PTPRA: variants seen among roughly 807,000 people sequenced by gnomAD.
PTPRA encodes the protein protein tyrosine phosphatase receptor type A.
PTPRA carries 25 observed loss-of-function variants against 104.8 expected under a neutral mutation model. The ratio of observed to expected loss-of-function variants is 0.24; its 90% CI spans 0.17 to 0.33. The LOEUF is 0.33. Ranked by LOEUF, PTPRA falls within the 10% of genes least tolerant of loss-of-function variation. The pLI, the probability that PTPRA is intolerant of heterozygous loss-of-function variation, is 1.00. For missense variants in PTPRA, 765 were observed against 1,015.3 expected (o/e 0.75, Z 3.35); for synonymous variants, 323 against 368.9 (o/e 0.88, Z 1.43).
At chr20:3,027,665 G>A (rs2065213687) in intron 19 of PTPRA, 42 bp from the exon 20 acceptor site, 8 of 1,604,254 alleles carry the variant, frequency 5.0e-6, no homozygotes, top group Non-Finnish European at 6.8e-6. Context: ...GTCCCTCTGT[G>A]ATTAAACCAT....
the PTPRA span, chr20:2,866,262 G>A: frequency 6.2e-7 from 1 of 1,614,154 alleles, no homozygotes; most frequent in Non-Finnish European, 8.5e-7. Flanking sequence ...AAGCCAAGAA[G>A]TATGCTTCCC....
intron 2 of PTPRA, among the ~76,000 whole-genome samples, chr20:2,941,026 G>C (rs200689465): frequency 6.6e-6 from 1 of 150,908 alleles, no homozygotes; most frequent in Non-Finnish European, 1.5e-5. Context: ...TTTTTTGGGG[G>C]TTTTTTTTGT....
chr20:2,947,276 T>C (rs1166116544), intron 2 of PTPRA, among the ~76,000 whole-genome samples: 1 of 152,214 alleles, frequency 6.6e-6, no homozygotes, highest in Non-Finnish European at 1.5e-5. Context: ...TCAGAGATTG[T>C]TACACCAAGA....
chr20:2,953,420 AT>A (rs1223180837), intron 3 of PTPRA, among the ~76,000 whole-genome samples: 2 of 150,756 alleles, frequency 1.3e-5, no homozygotes, highest in Admixed American at 6.6e-5. Context: ...CGCCTGGCTA[AT>A]TTTTTGTATT....
chr20:2,931,512 C>T (rs2060502992), intron 2 of PTPRA, among the ~76,000 whole-genome samples: 1 of 152,144 alleles, frequency 6.6e-6, no homozygotes, highest in South Asian at 2.1e-4. Flanking sequence ...ATAATCAAAA[C>T]CCTTTGTTTT....
the PTPRA span, chr20:2,865,307 C>T: frequency 1.9e-6 from 3 of 1,614,140 alleles, no homozygotes; most frequent in Admixed American, 3.3e-5. The surrounding 1 kb of genome is among the most constrained non-coding windows in gnomAD (Gnocchi z 5.2). Context: ...CTTCCGCATC[C>T]CTGACAAGAG....
intron 11 of PTPRA, among the ~76,000 whole-genome samples, chr20:3,011,361 A>C (rs1180170669): frequency 6.6e-6 from 1 of 152,216 alleles, no homozygotes; most frequent in Non-Finnish European, 1.5e-5. Flanking sequence ...CACTGTGGGT[A>C]GGCTTAAAGG....
chr20:2,951,088 G>T (rs908018844), intron 3 of PTPRA, among the ~76,000 whole-genome samples: 2 of 151,636 alleles, frequency 1.3e-5, no homozygotes, highest in Middle Eastern at 3.4e-3. Context: ...TTGTTTGTTT[G>T]TTTGTTTCTT....
intron 1 of PTPRA, among the ~76,000 whole-genome samples, chr20:2,877,422 G>C (rs1222655243): frequency 6.6e-6 from 1 of 152,114 alleles, no homozygotes; most frequent in Admixed American, 6.5e-5. Context: ...ACTGTACCTG[G>C]CTAATTTTGT....
chr20:3,033,515 C>G (rs2065628555), intron 20 of PTPRA, among the ~76,000 whole-genome samples: 1 of 151,984 alleles, frequency 6.6e-6, no homozygotes, highest in South Asian at 2.1e-4. Flanking sequence ...GGCAACTGGT[C>G]CTCCTGCTCT....
At chr20:2,932,431 C>T (rs1187987509) in intron 2 of PTPRA, among the ~76,000 whole-genome samples, 3 of 151,996 alleles carry the variant, frequency 2.0e-5, no homozygotes, top group Non-Finnish European at 4.4e-5. Context: ...TTAGAACATC[C>T]GTGTCTATTT....
intron 3 of PTPRA, among the ~76,000 whole-genome samples, chr20:2,962,188 A>T (rs2061779531): frequency 6.6e-6 from 1 of 152,238 alleles, no homozygotes; most frequent in African/African-American, 2.4e-5. Flanking sequence ...GGAATAACTG[A>T]CATCTTGACA....
At chr20:2,904,666 CA>C (rs397865578) in intron 1 of PTPRA, among the ~76,000 whole-genome samples, 2,607 of 66,076 alleles carry the variant, frequency 0.039, 33 homozygotes, top group African/African-American at 0.13. Context: ...GACTCCGTCT[CA>C]AAAAAAAAAA....
At position 2,991,350 on chromosome 20, in the gene PTPRA, A is replaced by G. The variant is rs187244368; in HGVS notation, c.738+2876A>G. 1.8e-4 allele frequency among the ~76,000 whole-genome samples: 27 copies of G among 150,394 alleles called. No individual in the cohort carries two copies. The East Asian group carries it at 4.7e-3, about 26-fold the overall frequency. ...ATTGCACTCCAGCCTGGGCGACAAG[A>G]GTGAAACTCCATCTCAAAAAAAAAA... On this transcript the variant is annotated intron_variant, in intron 9 of 23. Transcript: ENST00000399903.
upstream of PTPRA, among the ~76,000 whole-genome samples, chr20:2,870,764 A>G (rs1003186637): frequency 2.6e-4 from 40 of 152,106 alleles, 1 homozygote; most frequent in South Asian, 2.1e-4. Flanking sequence ...AAACCCTGTG[A>G]CTGTTGGGGC....
chr20:2,986,180 T>C (rs1340984268), intron 6 of PTPRA, among the ~76,000 whole-genome samples: 1 of 152,146 alleles, frequency 6.6e-6, no homozygotes, highest in Non-Finnish European at 1.5e-5. Context: ...ATGCTAGGAT[T>C]ACAGGCATGA....
At position 3,037,284 on chromosome 20, in the gene PTPRA, A is replaced by T. The variant is rs1441266541; in HGVS notation, c.2329A>T (p.Thr777Ser). ...LRLQRPHMVQ[T>S]LEQYEFCYKV... Reference sequence around the variant, plus strand: ...GCTACAGAGGCCACACATGGTCCAGACACTGGTATGCTGCCCACATATTTG... The same window carrying T: ...GCTACAGAGGCCACACATGGTCCAGTCACTGGTATGCTGCCCACATATTTG... Residue 777 changes from threonine (T) to serine (S), a missense_variant, in exon 23 of 24, where the codon ACA becomes TCA. By Grantham distance (58) the Thr-to-Ser change is moderately conservative. Coordinates refer to ENST00000399903, the MANE Select transcript of PTPRA (RefSeq NM_001385305.1). This position sits in a 1 kb window ranked among gnomAD's most constrained non-coding sequence, Gnocchi z 4.3. 3.1e-6 allele frequency: 5 copies of T among 1,614,112 alleles called. No homozygotes were observed. The South Asian group carries it at 4.4e-5, about 14-fold the overall frequency.
In PTPRA at chr20:2,873,609, C is replaced by T. The variant is rs2089496087; in HGVS notation, c.-280C>T. On this transcript the variant is annotated 5_prime_UTR_variant, in exon 1 of 24. Coordinates refer to ENST00000399903, the MANE Select transcript of PTPRA (RefSeq NM_001385305.1). The surrounding 1 kb of genome is among the most constrained non-coding windows in gnomAD (Gnocchi z 4.4). ...GTCGCCCCTCAGCCGCTTCCCCTCG[C>T]CATGGAGGCGAGGCCGCCGCCGCCG... 6.6e-6 allele frequency: 1 copy of T among 150,950 alleles called. No homozygotes were observed. The highest frequency in any genetic ancestry group is 1.5e-5 in the Non-Finnish European group (1 of 67,614). 9.4% of individuals were successfully genotyped at this position (150,950 alleles called of 1,614,324 possible).
At chr20:2,965,764 A>G (rs753234766) in intron 5 of PTPRA, among the ~76,000 whole-genome samples, 50 of 152,316 alleles carry the variant, frequency 3.3e-4, no homozygotes, top group Non-Finnish European at 3.5e-4. Flanking sequence ...GCTCTGGGAA[A>G]TGGTTACATT....
Sources: allele counts gnomAD v4.1 joint callset (sites outside exome capture counted in the v4.1 genomes callset), GRCh38; gene constraint gnomAD v4.1.1; non-coding constraint Gnocchi (gnomAD v3.1); transcripts MANE v1.5; gene names NCBI Gene and HGNC (gene_info 2026-07-23, HGNC 2026-07-21).